The following MPPED2 variants were observed in gnomAD, a reference collection of about 807,000 sequenced individuals.
MPPED2 encodes the protein metallophosphoesterase MPPED2.
In MPPED2, 5 loss-of-function variants were observed where a neutral mutation model predicts 33.0. The ratio of observed to expected loss-of-function variants is 0.15; its 90% CI spans 0.08 to 0.32. The LOEUF (loss-of-function observed/expected upper bound fraction) is 0.32, where lower values mean the gene tolerates loss of function less well. Among genes scored for constraint, MPPED2 ranks in the 10% least tolerant of loss-of-function variants. The pLI is 1.00. For synonymous variants in MPPED2, 136 were observed against 141.9 expected (o/e 0.96, Z 0.29); for missense variants, 275 against 372.1 (o/e 0.74, Z 2.15).
chr11:30,411,411 T>G lies in MPPED2; in HGVS notation c.*57A>C. 1 of 1,541,338 alleles carries G rather than the reference T, an allele frequency of 6.5e-7. No individual in the cohort carries two copies. ...TAAGTAAGAGAATGTAAGTTTATAA[T>G]TAGAAAAATGGCAGTTTATAGACCT... is the stretch of plus-strand genomic sequence containing the variant. On this transcript the variant is annotated 3_prime_UTR_variant, in exon 7 of 7. Transcript: ENST00000358117.
chr11:30,466,710 T>G (rs1046124118), intron 4 of MPPED2, among the ~76,000 whole-genome samples: 36 of 152,244 alleles, frequency 2.4e-4, no homozygotes, highest in African/African-American at 8.4e-4. Context: ...GATTCTATTA[T>G]TTTCTCCCAG....
chr11:30,487,116 G>A, intron 4 of MPPED2, among the ~76,000 whole-genome samples: 1 of 152,202 alleles, frequency 6.6e-6, no homozygotes, highest in Non-Finnish European at 1.5e-5. Context: ...GATGGAGCTT[G>A]TAATCACTTT....
chr11:30,440,340 A>G (rs1237251571), intron 4 of MPPED2, among the ~76,000 whole-genome samples: 1 of 152,048 alleles, frequency 6.6e-6, no homozygotes, highest in Non-Finnish European at 1.5e-5. Flanking sequence ...CAAAAAAAAA[A>G]AAAAAGTTTT....
chr11:30,549,635 A>T (rs557216907), intron 2 of MPPED2, among the ~76,000 whole-genome samples: 1 of 152,270 alleles, frequency 6.6e-6, no homozygotes, highest in South Asian at 2.1e-4. Flanking sequence ...TTGGGCAGGA[A>T]GATTACTTCC....
chr11:30,436,725 G>GTA (rs1196842664), intron 4 of MPPED2, among the ~76,000 whole-genome samples: 2 of 152,180 alleles, frequency 1.3e-5, no homozygotes, highest in African/African-American at 4.8e-5. Context: ...AACAAAATGA[G>GTA]TATGTATAAT....
chr11:30,520,589 T>C (rs1250354213), intron 3 of MPPED2, among the ~76,000 whole-genome samples: 1 of 152,216 alleles, frequency 6.6e-6, no homozygotes, highest in Non-Finnish European at 1.5e-5. Context: ...CTTTTTGATA[T>C]TGTCTTATAT....
chr11:30,465,827 T>C (rs1262461315), intron 4 of MPPED2, among the ~76,000 whole-genome samples: 1 of 152,160 alleles, frequency 6.6e-6, no homozygotes, highest in Non-Finnish European at 1.5e-5. Flanking sequence ...GAAACTCATG[T>C]ATATGGAGGG....
intron 2 of MPPED2, among the ~76,000 whole-genome samples, chr11:30,546,567 T>C (rs1004714067): frequency 5.9e-5 from 9 of 152,220 alleles, no homozygotes; most frequent in African/African-American, 2.2e-4. Flanking sequence ...ATTGTGCTTA[T>C]TGGAAGTGCA....
At chr11:30,540,618 GATAA>G (rs1955046980) in intron 2 of MPPED2, among the ~76,000 whole-genome samples, 1 of 152,042 alleles carries the variant, frequency 6.6e-6, no homozygotes, top group Non-Finnish European at 1.5e-5. Flanking sequence ...GTTGTAGGGA[GATAA>G]TAACATCTAC....
At chr11:30,427,228 G>T (rs1052579416) in intron 4 of MPPED2, among the ~76,000 whole-genome samples, 5 of 152,212 alleles carry the variant, frequency 3.3e-5, no homozygotes, top group Non-Finnish European at 7.3e-5. Context: ...GAACTCTCAA[G>T]AATTGATGTT....
intron 6 of MPPED2, among the ~76,000 whole-genome samples, chr11:30,397,583 G>T (rs1947854049): frequency 6.6e-6 from 1 of 152,008 alleles, no homozygotes; most frequent in Non-Finnish European, 1.5e-5. Context: ...ATTCATAAAA[G>T]GTCTATATAA....
At chr11:30,431,316 C>A (rs1017775772) in intron 4 of MPPED2, among the ~76,000 whole-genome samples, 4 of 152,210 alleles carry the variant, frequency 2.6e-5, no homozygotes, top group African/African-American at 9.7e-5. Context: ...CTTAACAGTG[C>A]AGCTCTGAAG....
intron 2 of MPPED2, among the ~76,000 whole-genome samples, chr11:30,555,248 G>C (rs1170401912): frequency 6.6e-6 from 1 of 152,162 alleles, no homozygotes; most frequent in Non-Finnish European, 1.5e-5. Context: ...TCTTGCTATA[G>C]TGATATCAAG....
chr11:30,462,092 C>T (rs1211555154), intron 4 of MPPED2, among the ~76,000 whole-genome samples: 3 of 152,132 alleles, frequency 2.0e-5, no homozygotes, highest in Admixed American at 6.5e-5. Context: ...CAATAATCTG[C>T]GTTAAAAAAC....
At chr11:30,508,486 C>A (rs1237340946) in intron 3 of MPPED2, among the ~76,000 whole-genome samples, 1 of 152,124 alleles carries the variant, frequency 6.6e-6, no homozygotes, top group Non-Finnish European at 1.5e-5. Context: ...AATGCATAGA[C>A]CAAACCTGCT....
chr11:30,586,509 C>T (rs1468364604), upstream of MPPED2, among the ~76,000 whole-genome samples: 2 of 152,062 alleles, frequency 1.3e-5, no homozygotes, highest in African/African-American at 2.4e-5. The surrounding 1 kb of genome is among the most constrained non-coding windows in gnomAD (Gnocchi z 4.8). Context: ...CCCGAAGCCC[C>T]AGGGTTTCGA....
intron 4 of MPPED2, among the ~76,000 whole-genome samples, chr11:30,418,438 C>G (rs899346331): frequency 1.3e-5 from 2 of 152,216 alleles, no homozygotes; most frequent in Non-Finnish European, 2.9e-5. Context: ...CTGAAAATGT[C>G]TCTACCATTT....
downstream of MPPED2, among the ~76,000 whole-genome samples, chr11:30,384,198 T>G (rs1947676251): frequency 6.6e-6 from 1 of 152,202 alleles, no homozygotes. Context: ...TAATCTTATT[T>G]CCTTGATGTT....
chr11:30,397,871 G>A (rs1229434045), intron 6 of MPPED2, among the ~76,000 whole-genome samples: 1 of 152,084 alleles, frequency 6.6e-6, no homozygotes, highest in Admixed American at 6.6e-5. Flanking sequence ...ATCATCTGAG[G>A]TTCATTTTTT....
Sources: allele counts gnomAD v4.1 joint callset (sites outside exome capture counted in the v4.1 genomes callset), GRCh38; gene constraint gnomAD v4.1.1; non-coding constraint Gnocchi (gnomAD v3.1); transcripts MANE v1.5; gene names NCBI Gene and HGNC (gene_info 2026-07-23, HGNC 2026-07-21).